The following RBL1 variants were observed in gnomAD, a reference collection of about 807,000 sequenced individuals.
The protein encoded by RBL1 is retinoblastoma-like protein 1.
RBL1 carries 82 observed loss-of-function variants against 123.0 expected under a neutral mutation model. The ratio of observed to expected loss-of-function variants is 0.67; its 90% confidence interval spans 0.56 to 0.80. RBL1 has a LOEUF of 0.80. Among genes scored for constraint, RBL1 ranks in the 30% least tolerant of loss-of-function variants. The probability of loss-of-function intolerance (pLI) is 0.00; values close to 1 mark genes in which losing one functional copy is unlikely to be tolerated. For synonymous variants in RBL1, 405 were observed against 441.3 expected (o/e 0.92, Z 1.03); for missense variants, 1,171 against 1,299.6 (o/e 0.90, Z 1.52).
chr20:37,049,474 AAGAAAAGGAAGAAGTCTT>A, intron 11 of RBL1: 1 of 754,334 alleles, frequency 1.3e-6, no homozygotes, highest in South Asian at 1.4e-5. Context: ...TGGTGGTGCT[AAGAAAAGGAAGAAGTCTT>A]ACACCACTCC....
intron 19 of RBL1, among the ~76,000 whole-genome samples, chr20:37,014,270 G>A (rs1215137737): frequency 6.6e-6 from 1 of 151,848 alleles, no homozygotes; most frequent in Non-Finnish European, 1.5e-5. Context: ...GTAGCAATAG[G>A]CTGTCACTAT....
Position 37,061,115 on chromosome 20 carries a change from A to G in RBL1, c.1238T>C (p.Ile413Thr). ...GTATTGTACATACTCAAAAATATTTATAAGTTGGTCACTTGGTGCATTTTT... is the reference window on the plus strand; with the variant it reads ...GTATTGTACATACTCAAAAATATTTGTAAGTTGGTCACTTGGTGCATTTTT... ...GLKNAPSDQL[I>T]NIFESCVRNP... The change falls in exon 9 of 22, where the codon ATA becomes ACA. Residue 413 changes from isoleucine to threonine, a missense_variant. Physicochemically the swap from Ile to Thr is moderately conservative, Grantham distance 89 (BLOSUM62 -1). Transcript: ENST00000373664. 2.5e-6 allele frequency: 4 copies of G among 1,605,968 alleles called. No homozygotes were observed. The highest frequency in any genetic ancestry group is 1.1e-5 in the South Asian group (1 of 89,478).
At chr20:37,007,379 A>T in intron 20 of RBL1, 32 bp downstream of exon 20, 1 of 1,594,944 alleles carries the variant, frequency 6.3e-7, no homozygotes, top group Admixed American at 1.8e-5. Flanking sequence ...ATGACAGCAA[A>T]TAATAATAAA....
chr20:37,065,343 T>G, intron 7 of RBL1, 81 bp downstream of exon 7: 1 of 1,075,820 alleles, frequency 9.3e-7, no homozygotes, highest in Non-Finnish European at 1.4e-6. Flanking sequence ...TTTGATATAC[T>G]GTTATGCTTA....
chr20:37,086,206 G>A (rs2065542874), intron 2 of RBL1, among the ~76,000 whole-genome samples: 1 of 152,160 alleles, frequency 6.6e-6, no homozygotes, highest in African/African-American at 2.4e-5. Context: ...CAATGATAAT[G>A]TCTTGCTCAA....
At chr20:37,004,478 T>C (rs1469177220) in intron 20 of RBL1, among the ~76,000 whole-genome samples, 2 of 148,664 alleles carry the variant, frequency 1.3e-5, no homozygotes, top group East Asian at 2.0e-4. Flanking sequence ...TTTGGGAGGC[T>C]GAGATGGGCG....
chr20:37,018,326 A>G lies in RBL1; in HGVS notation c.2675T>C (p.Val892Ala), dbSNP rs771009314. 8.7e-6 allele frequency: 14 copies of G among 1,611,526 alleles called. No individual in the cohort carries two copies. In the Admixed American group the frequency reaches 1.2e-4, roughly 14 times the overall value. ...ATCATTTATATTTTTATTATATGCC[A>G]CAACTTCTCTTGGAATACTTTTCAG... The part of the protein sequence containing the change: ...VLLKSIPREV[V>A]AYNKNINDDF... Residue 892 changes from valine to alanine, a missense_variant, in exon 19 of 22, where the codon GTG becomes GCG. Val to Ala is a moderately conservative substitution (Grantham distance 64). Transcript: ENST00000373664.
chr20:37,069,796 T>TG (rs1226889284), intron 2 of RBL1, among the ~76,000 whole-genome samples: 26 of 140,442 alleles, frequency 1.9e-4, no homozygotes, highest in African/African-American at 6.1e-4. Flanking sequence ...GGGAGGGAGG[T>TG]GGGGGGGTCA....
intron 19 of RBL1, among the ~76,000 whole-genome samples, chr20:37,012,383 A>C (rs1468535012): frequency 6.8e-6 from 1 of 146,096 alleles, no homozygotes; most frequent in African/African-American, 2.6e-5. Context: ...AATGAGGAGC[A>C]TCTCTGCCCG....
chr20:37,060,445 A>G (rs1366675649), intron 9 of RBL1, among the ~76,000 whole-genome samples: 1 of 152,124 alleles, frequency 6.6e-6, no homozygotes, highest in Non-Finnish European at 1.5e-5. Flanking sequence ...ACTTATCTCT[A>G]AAAGTCTATA....
chr20:37,055,505 G>GGC, intron 11 of RBL1, 48 bp downstream of exon 11: 1 of 1,612,470 alleles, frequency 6.2e-7, no homozygotes, highest in African/African-American at 1.3e-5. Flanking sequence ...ACTGCTTCCA[G>GGC]GCTGACTTTT....
chr20:37,029,946 C>T (rs191029964), intron 16 of RBL1, among the ~76,000 whole-genome samples: 4 of 152,270 alleles, frequency 2.6e-5, no homozygotes, highest in African/African-American at 7.2e-5. Context: ...TTAAAGAAGA[C>T]GCAAATGAAA....
chr20:37,091,344 G>T (rs1047683656), intron 1 of RBL1, among the ~76,000 whole-genome samples: 1 of 149,216 alleles, frequency 6.7e-6, no homozygotes, highest in African/African-American at 2.5e-5. Context: ...CGCAACGGGA[G>T]TGAGACTCCA....
intron 21 of RBL1, among the ~76,000 whole-genome samples, chr20:37,001,817 C>A (rs961414430): frequency 2.0e-5 from 3 of 148,804 alleles, no homozygotes; most frequent in Non-Finnish European, 4.4e-5. Context: ...TGCAAGAGTC[C>A]TATGGCCTTT....
chr20:37,082,617 AC>A (rs1201799717), intron 2 of RBL1, among the ~76,000 whole-genome samples: 3 of 152,188 alleles, frequency 2.0e-5, no homozygotes, highest in African/African-American at 7.2e-5. Flanking sequence ...TTGAACATGT[AC>A]CAACTTCATT....
intron 14 of RBL1, among the ~76,000 whole-genome samples, chr20:37,038,092 A>G (rs147722611): frequency 2.5e-4 from 38 of 150,162 alleles, no homozygotes; most frequent in African/African-American, 8.6e-4. Flanking sequence ...CTTGGGTTCA[A>G]GCAATTCTAC....
At chr20:37,060,799 A>G (rs1012077404) in intron 9 of RBL1, among the ~76,000 whole-genome samples, 3 of 151,954 alleles carry the variant, frequency 2.0e-5, no homozygotes, top group African/African-American at 4.8e-5. Context: ...AAAACAAAAA[A>G]AAAGGGAGAG....
intron 14 of RBL1, among the ~76,000 whole-genome samples, chr20:37,037,005 G>A (rs2146255480): frequency 6.6e-6 from 1 of 152,252 alleles, no homozygotes; most frequent in South Asian, 2.1e-4. Context: ...GTATTAGTGA[G>A]GTGATTGGGA....
chr20:37,082,015 G>A (rs1157985246), intron 2 of RBL1: 3 of 456,108 alleles, frequency 6.6e-6, no homozygotes, highest in African/African-American at 6.0e-5. Flanking sequence ...AGGAGACATA[G>A]GGCAGCAGCA....
Sources: gnomAD v4.1 joint callset for allele counts (sites outside exome capture counted in the v4.1 genomes callset) on GRCh38, gnomAD v4.1.1 for gene constraint, MANE v1.5 for transcripts, NCBI Gene and HGNC (gene_info 2026-07-23, HGNC 2026-07-21) for gene names.